The following MAML3 variants were observed in gnomAD, a reference collection of about 807,000 sequenced individuals.
The protein encoded by MAML3 is mastermind like transcriptional coactivator 3.
A neutral mutation model predicts 101.9 loss-of-function variants in MAML3; 27 were observed. That is an observed-to-expected ratio of 0.27 (90% CI 0.20 to 0.37). The LOEUF (loss-of-function observed/expected upper bound fraction) is 0.37. MAML3 is among the 10% of genes least tolerant of loss of function. The pLI is 1.00. For synonymous variants in MAML3, 501 were observed against 555.9 expected (o/e 0.90, Z 1.39); for missense variants, 1,316 against 1,444.9 (o/e 0.91, Z 1.45).
intron 1 of MAML3, among the ~76,000 whole-genome samples, chr4:140,061,564 C>A (rs1223420861): frequency 6.6e-6 from 1 of 152,172 alleles, no homozygotes; most frequent in Non-Finnish European, 1.5e-5. Flanking sequence ...AGTAACAAGA[C>A]CAAGTTTGCA....
chr4:139,798,077 AAAG>A (rs1730546600), intron 2 of MAML3, among the ~76,000 whole-genome samples: 1 of 139,378 alleles, frequency 7.2e-6, no homozygotes, highest in Non-Finnish European at 1.5e-5. Flanking sequence ...AGAAAGAAAG[AAAG>A]AAAGAAAGAA....
chr4:140,066,888 C>T (rs1237528676), intron 1 of MAML3, among the ~76,000 whole-genome samples: 3 of 152,154 alleles, frequency 2.0e-5, no homozygotes, highest in Non-Finnish European at 4.4e-5. Flanking sequence ...AGATGAACTG[C>T]AAATCTTTTA....
chr4:139,890,610 G>T lies in MAML3; in HGVS notation c.826C>A (p.Gln276Lys). 1 of 1,614,024 alleles carries T rather than the reference G, an allele frequency of 6.2e-7. No homozygotes were observed. Among genetic ancestry groups the T allele is most frequent in the Non-Finnish European group, 8.5e-7 (1 of 1,179,876 alleles). The change falls in exon 2 of 5, where the codon CAA (glutamine) becomes AAA (lysine). Residue 276 changes from glutamine to lysine, a missense_variant. Coordinates refer to ENST00000509479, the MANE Select transcript of MAML3 (RefSeq NM_018717.5). The surrounding 1 kb of genome is among the most constrained non-coding windows in gnomAD (Gnocchi z 4.1). ...CAAGTAGGGTCATCGAGAGGTTCTT[G>T]TTTGAGGTCTTTGCTCTGCAAGATG... ...FTILQSKDLK[Q>K]EPLDDPTCID...
At chr4:139,943,512 G>A (rs910563988) in intron 1 of MAML3, among the ~76,000 whole-genome samples, 2 of 152,198 alleles carry the variant, frequency 1.3e-5, no homozygotes, top group African/African-American at 4.8e-5. Flanking sequence ...CATGAGGTTG[G>A]TTTAGGCTTA....
intron 1 of MAML3, among the ~76,000 whole-genome samples, chr4:140,145,304 A>G (rs1729040504): frequency 1.3e-5 from 2 of 152,232 alleles, no homozygotes; most frequent in Admixed American, 1.3e-4. Context: ...GGATGGCAAT[A>G]AAAGGAGTTA....
At position 140,109,863 on chromosome 4, in the gene MAML3, T is replaced by A. The variant is rs145133768; in HGVS notation, c.468+42997A>T. ...TGATCCCATGCCCTGGTCACACGTT[T>A]CAATACAGCTTATCTGTCCAAAGCC... On this transcript the variant is annotated intron_variant, in intron 1 of 4. Coordinates refer to ENST00000509479, the MANE Select transcript of MAML3 (RefSeq NM_018717.5). Among the ~76,000 whole-genome samples the A allele has an allele frequency of 2.0e-3, 304 of 152,302 alleles. 1 individual carries two copies. The highest frequency in any genetic ancestry group is 7.1e-3 in the African/African-American group (295 of 41,560).
intron 2 of MAML3, among the ~76,000 whole-genome samples, chr4:139,836,467 A>G (rs1485601344): frequency 2.6e-5 from 4 of 152,200 alleles, no homozygotes; most frequent in African/African-American, 9.7e-5. Flanking sequence ...TTGTTATGAG[A>G]ACTATTTCCA....
intron 2 of MAML3, among the ~76,000 whole-genome samples, chr4:139,813,809 A>C (rs976538911): frequency 3.3e-5 from 5 of 152,156 alleles, no homozygotes; most frequent in African/African-American, 1.2e-4. Context: ...AGGATCCCAG[A>C]AAGAAAAAGA....
At chr4:140,055,069 G>A (rs1428656902) in intron 1 of MAML3, among the ~76,000 whole-genome samples, 1 of 152,126 alleles carries the variant, frequency 6.6e-6, no homozygotes, top group Non-Finnish European at 1.5e-5. Flanking sequence ...GGATTCTGTA[G>A]AAGGAATTCC....
intron 1 of MAML3, among the ~76,000 whole-genome samples, chr4:139,918,418 G>A (rs551927106): frequency 2.6e-5 from 4 of 152,190 alleles, no homozygotes; most frequent in African/African-American, 7.2e-5. Context: ...TCTCCACGTG[G>A]AACACGCTTA....
At chr4:139,920,631 T>A (rs907400276) in intron 1 of MAML3, among the ~76,000 whole-genome samples, 1 of 152,230 alleles carries the variant, frequency 6.6e-6, no homozygotes, top group African/African-American at 2.4e-5. Context: ...AAAGTGGCCA[T>A]CAACCACCTT....
At chr4:139,961,661 CT>C (rs879457041) in intron 1 of MAML3, among the ~76,000 whole-genome samples, 13 of 152,332 alleles carry the variant, frequency 8.5e-5, no homozygotes, top group Admixed American at 6.5e-4. Flanking sequence ...TCACGTGTGA[CT>C]TCCTTACTGA....
intron 2 of MAML3, among the ~76,000 whole-genome samples, chr4:139,846,728 A>G (rs1047943534): frequency 6.6e-6 from 1 of 152,230 alleles, no homozygotes; most frequent in African/African-American, 2.4e-5. Context: ...CACAGTCTTT[A>G]AAATACAGCT....
At chr4:140,024,439 G>C (rs1003890836) in intron 1 of MAML3, among the ~76,000 whole-genome samples, 5 of 152,034 alleles carry the variant, frequency 3.3e-5, no homozygotes, top group South Asian at 4.1e-4. Flanking sequence ...TTGTTGCCCA[G>C]ACTGGTCTCA....
chr4:139,819,279 T>C (rs145203962), intron 2 of MAML3, among the ~76,000 whole-genome samples: 1 of 152,218 alleles, frequency 6.6e-6, no homozygotes, highest in African/African-American at 2.4e-5. Flanking sequence ...CCCTGAAGTG[T>C]GTGGCTCACT....
At chr4:140,036,044 G>T (rs1726982292) in intron 1 of MAML3, among the ~76,000 whole-genome samples, 1 of 152,196 alleles carries the variant, frequency 6.6e-6, no homozygotes, top group Admixed American at 6.5e-5. Flanking sequence ...AGGAAAGTAA[G>T]GATTAGGACC....
intron 2 of MAML3, among the ~76,000 whole-genome samples, chr4:139,769,861 C>A (rs1306980399): frequency 6.6e-6 from 1 of 151,916 alleles, no homozygotes; most frequent in Non-Finnish European, 1.5e-5. Flanking sequence ...GTGATCCACC[C>A]GCCTTGGCCT....
intron 2 of MAML3, among the ~76,000 whole-genome samples, chr4:139,757,967 C>T (rs879924419): frequency 7.2e-5 from 11 of 152,184 alleles, no homozygotes; most frequent in Non-Finnish European, 1.0e-4. Context: ...TGCCTTTCCT[C>T]CACTAGCCTT....
intron 1 of MAML3, among the ~76,000 whole-genome samples, chr4:140,137,162 A>G (rs1238021441): frequency 2.0e-5 from 3 of 151,942 alleles, no homozygotes; most frequent in African/African-American, 4.8e-5. Context: ...CTAATTTTTT[A>G]TATTTTTAGT....
Sources: gnomAD v4.1 joint callset for allele counts (sites outside exome capture counted in the v4.1 genomes callset) on GRCh38, gnomAD v4.1.1 for gene constraint, Gnocchi (gnomAD v3.1) non-coding constraint, MANE v1.5 for transcripts, NCBI Gene and HGNC (gene_info 2026-07-23, HGNC 2026-07-21) for gene names.